MAF: variants seen among roughly 807,000 people sequenced by gnomAD.
The protein encoded by MAF is MAF bZIP transcription factor, also known as transcription factor Maf.
In MAF, 10 loss-of-function variants were observed where a neutral mutation model predicts 22.0. That is an observed-to-expected ratio of 0.45 (90% CI 0.28 to 0.77). The LOEUF (loss-of-function observed/expected upper bound fraction) is 0.77, where lower values mean the gene tolerates loss of function less well. Among genes scored for constraint, MAF ranks in the 30% least tolerant of loss-of-function variants. The pLI is 0.12. For synonymous variants in MAF, 337 were observed against 255.8 expected (o/e 1.32, Z -3.03); for missense variants, 544 against 548.4 (o/e 0.99, Z 0.08).
the MAF span, among the ~76,000 whole-genome samples, chr16:79,365,742 T>C: frequency 1.3e-5 from 2 of 151,570 alleles, no homozygotes; most frequent in African/African-American, 2.4e-5. Flanking sequence ...GCCACAAATA[T>C]CCAGAGGCCA....
the MAF span, among the ~76,000 whole-genome samples, chr16:79,291,800 G>C: frequency 1.4e-4 from 20 of 147,686 alleles, no homozygotes; most frequent in East Asian, 8.0e-4. Flanking sequence ...AACTGAGCTA[G>C]AAATTAGGTT....
At chr16:79,398,075 C>G in the MAF span, among the ~76,000 whole-genome samples, 1 of 152,188 alleles carries the variant, frequency 6.6e-6, no homozygotes, top group Non-Finnish European at 1.5e-5. Context: ...TCTGGAGGCT[C>G]TGGTGGGGAA....
the MAF span, among the ~76,000 whole-genome samples, chr16:79,259,615 G>C: frequency 6.6e-6 from 1 of 152,130 alleles, no homozygotes; most frequent in South Asian, 2.1e-4. Context: ...GGAAGAATGA[G>C]GTCTTCACTT....
chr16:79,417,441 C>T, the MAF span, among the ~76,000 whole-genome samples: 30 of 152,318 alleles, frequency 2.0e-4, no homozygotes, highest in African/African-American at 6.3e-4. Context: ...TTCTCCCTCT[C>T]CCAGCCGGTT....
the MAF span, among the ~76,000 whole-genome samples, chr16:79,470,571 G>C: frequency 6.6e-6 from 1 of 152,200 alleles, no homozygotes; most frequent in Non-Finnish European, 1.5e-5. Flanking sequence ...AACTCATTCA[G>C]GTACTGTGCT....
chr16:79,476,146 A>G, the MAF span, among the ~76,000 whole-genome samples: 1 of 152,154 alleles, frequency 6.6e-6, no homozygotes, highest in African/African-American at 2.4e-5. Flanking sequence ...TTAAGCCTCC[A>G]TGAGTTTTTA....
chr16:79,506,126 T>C, the MAF span, among the ~76,000 whole-genome samples: 18 of 152,168 alleles, frequency 1.2e-4, no homozygotes, highest in Admixed American at 9.8e-4. Flanking sequence ...AAATATGCAA[T>C]AAGAAAGAGA....
the MAF span, among the ~76,000 whole-genome samples, chr16:79,322,494 C>T: frequency 6.6e-6 from 1 of 152,078 alleles, no homozygotes; most frequent in African/African-American, 2.4e-5. Context: ...AATTCTTTGC[C>T]ACAGATAAAA....
chr16:79,382,238 T>G, the MAF span, among the ~76,000 whole-genome samples: 717 of 152,342 alleles, frequency 4.7e-3, no homozygotes, highest in Non-Finnish European at 7.6e-3. Flanking sequence ...GAATTTCACC[T>G]GGTAAATGAG....
the MAF span, among the ~76,000 whole-genome samples, chr16:79,348,893 G>T: frequency 6.6e-6 from 1 of 152,168 alleles, no homozygotes; most frequent in Non-Finnish European, 1.5e-5. Flanking sequence ...GTTGTTAAGC[G>T]TTCCGGTGAC....
At chr16:79,562,248 G>A in the MAF span, among the ~76,000 whole-genome samples, 1 of 151,890 alleles carries the variant, frequency 6.6e-6, no homozygotes, top group Non-Finnish European at 1.5e-5. Context: ...TGAATTACTT[G>A]TGTAAAGCTC....
At chr16:79,478,734 G>T in the MAF span, among the ~76,000 whole-genome samples, 1 of 152,068 alleles carries the variant, frequency 6.6e-6, no homozygotes, top group Non-Finnish European at 1.5e-5. Flanking sequence ...CATCATCCCA[G>T]CATACCTGGA....
the MAF span, among the ~76,000 whole-genome samples, chr16:79,320,009 A>G: frequency 6.6e-6 from 1 of 152,180 alleles, no homozygotes; most frequent in Non-Finnish European, 1.5e-5. Flanking sequence ...CCCAGGTGAT[A>G]TCCATGGGTT....
chr16:79,435,973 C>T, the MAF span, among the ~76,000 whole-genome samples: 1 of 152,116 alleles, frequency 6.6e-6, no homozygotes, highest in South Asian at 2.1e-4. Flanking sequence ...AAACCAAAAG[C>T]CCTGTGATTT....
the MAF span, among the ~76,000 whole-genome samples, chr16:79,415,609 G>C: frequency 1.3e-5 from 2 of 152,058 alleles, no homozygotes; most frequent in African/African-American, 2.4e-5. Flanking sequence ...TCCTTCTGCA[G>C]CTACAAAGCA....
chr16:79,349,423 C>G, the MAF span, among the ~76,000 whole-genome samples: 3 of 152,216 alleles, frequency 2.0e-5, no homozygotes, highest in African/African-American at 7.2e-5. Flanking sequence ...ACTTCTCTCT[C>G]TAGACCAAAT....
At chr16:79,334,594 C>T in the MAF span, among the ~76,000 whole-genome samples, 1 of 152,128 alleles carries the variant, frequency 6.6e-6, no homozygotes, top group Non-Finnish European at 1.5e-5. Context: ...CGAGGGGTCT[C>T]TTGCTAAAAA....
the MAF span, among the ~76,000 whole-genome samples, chr16:79,391,405 G>A: frequency 6.6e-6 from 1 of 152,188 alleles, no homozygotes; most frequent in Non-Finnish European, 1.5e-5. Context: ...CAGAGCCACA[G>A]ATAGGAGGGA....
chr16:79,406,044 T>C, the MAF span, among the ~76,000 whole-genome samples: 1 of 152,226 alleles, frequency 6.6e-6, no homozygotes, highest in Non-Finnish European at 1.5e-5. Context: ...CTGGGGTTGG[T>C]GTATAAATAC....
Sources: allele counts gnomAD v4.1 joint callset (sites outside exome capture counted in the v4.1 genomes callset), GRCh38; gene constraint gnomAD v4.1.1; transcripts MANE v1.5; gene names NCBI Gene and HGNC (gene_info 2026-07-23, HGNC 2026-07-21).